Variants in CARD6 observed in about 807,000 individuals in gnomAD.
CARD6 encodes caspase recruitment domain-containing protein 6.
A neutral mutation model predicts 23.6 loss-of-function variants in CARD6; 27 were observed. The ratio of observed to expected loss-of-function variants is 1.14; its 90% CI spans 0.84 to 1.58. The LOEUF is 1.58. Among genes scored for constraint, CARD6 ranks in the 40% most tolerant of loss-of-function variants. CARD6 has a pLI of 0.00. For synonymous variants in CARD6, 397 were observed against 431.8 expected (o/e 0.92, Z 1.00); for missense variants, 1,214 against 1,209.9 (o/e 1.00, Z -0.05).
At chr5:40,843,788 G>A in intron 2 of CARD6, 79 bp downstream of exon 2, 1 of 914,330 alleles carries the variant, frequency 1.1e-6, no homozygotes, top group Non-Finnish European at 1.6e-6. Flanking sequence ...TGGGGATGGG[G>A]GATGAAAAAG....
intron 2 of CARD6, among the ~76,000 whole-genome samples, chr5:40,845,418 A>G (rs1271385487): frequency 6.6e-6 from 1 of 152,198 alleles, no homozygotes; most frequent in Non-Finnish European, 1.5e-5. Context: ...TCCAAATAAC[A>G]TCACATTCTG....
rs576851671 is a variant in CARD6, at chr5:40,852,406, G to A, written c.1074G>A (p.Leu358=). ...TGGATGAAGATAGCAAGGAGGATTT[G>A]CTGGCTGGAGTGGAGAATTTGGAAA... The part of the protein sequence containing the change: ...KVLDEDSKED[L]LAGVENLEIR... The change falls in exon 3 of 3, where the codon TTG becomes TTA. Residue 358 remains leucine, a synonymous_variant. Transcript: ENST00000254691. The A allele has an allele frequency of 6.2e-7, 1 of 1,614,128 alleles. No homozygotes were observed. Among genetic ancestry groups the A allele is most frequent in the South Asian group, 1.1e-5 (1 of 91,078 alleles).
In CARD6 at chr5:40,853,492, T is replaced by C. The variant is rs1746121698; in HGVS notation, c.2160T>C (p.Gly720=). Residue 720 remains glycine (G), a synonymous_variant, in exon 3 of 3, where the codon GGT becomes GGC. Transcript: ENST00000254691. Reference sequence around the variant, plus strand: ...GCCAGAATCTTCAGAATCTCTATGGTACCCCAGTATTCAGGCCTGTTCTAG... The same window carrying C: ...GCCAGAATCTTCAGAATCTCTATGGCACCCCAGTATTCAGGCCTGTTCTAG... ...ELSQNLQNLY[G]TPVFRPVLEN... is the part of the protein sequence containing the mutation. 1.9e-6 allele frequency: 3 copies of C among 1,614,064 alleles called. No homozygotes were observed. Among genetic ancestry groups the C allele is most frequent in the East Asian group, 2.2e-5 (1 of 44,890 alleles).
chr5:40,843,802 C>A, intron 2 of CARD6, 93 bp downstream of exon 2: 1 of 764,320 alleles, frequency 1.3e-6, no homozygotes, highest in East Asian at 3.0e-5. Context: ...GAAAAAGGGA[C>A]AGATGTCAGC....
chr5:40,844,986 G>A (rs1745942633), intron 2 of CARD6, among the ~76,000 whole-genome samples: 1 of 151,116 alleles, frequency 6.6e-6, no homozygotes, highest in African/African-American at 2.4e-5. Context: ...ACCTGCCTCA[G>A]CTCCCCAGGT....
In CARD6 at chr5:40,853,554, A is replaced by G; in HGVS notation, c.2222A>G (p.Asn741Ser). 1 of 1,614,186 alleles carries G rather than the reference A, an allele frequency of 6.2e-7. No individual in the cohort carries two copies. The highest frequency in any genetic ancestry group is 8.5e-7 in the Non-Finnish European group (1 of 1,180,022). ...SWLFPTRIGG[N>S]FNHVSLKASW... ...CTCTTTCCAACCAGAATTGGAGGTA[A>G]CTTTAACCATGTTTCCTTGAAAGCC... Residue 741 changes from asparagine to serine, a missense_variant, in exon 3 of 3, where the codon AAC becomes AGC. Asn to Ser is a conservative substitution (Grantham distance 46, BLOSUM62 1). Coordinates refer to ENST00000254691, the MANE Select transcript of CARD6 (RefSeq NM_032587.4).
rs202210811 is a variant in CARD6, at chr5:40,843,219, T to A, written c.351T>A (p.Ala117=). ...SMGASSNSED[A]FSPGIKQPEA... ...GGGCAAGCAGTAATTCAGAAGATGC[T>A]TTTTCTCCTGGAATAAAACAGCCTG... Residue 117 remains alanine (A), a synonymous_variant, in exon 2 of 3, where the codon GCT becomes GCA. Coordinates refer to ENST00000254691, the MANE Select transcript of CARD6 (RefSeq NM_032587.4). 1.2e-5 allele frequency: 19 copies of A among 1,613,650 alleles called. No homozygotes were observed. In the Middle Eastern group the frequency reaches 1.2e-3, roughly 98 times the overall value.
chr5:40,853,126 G>A lies in CARD6; in HGVS notation c.1794G>A (p.Arg598=), dbSNP rs1003536785. 4 of 1,614,036 alleles carry A rather than the reference G, an allele frequency of 2.5e-6. No homozygotes were observed. The highest frequency in any genetic ancestry group is 3.4e-6 in the Non-Finnish European group (4 of 1,180,024). ...GTGAAGAGGCTCAAATTTTTCAGAG[G>A]ATACTGAACTTGAAGCCAGCACAGC... ...RESEEAQIFQ[R]ILNLKPAQLL... The change falls in exon 3 of 3, where the codon AGG becomes AGA. Residue 598 remains arginine (R), a synonymous_variant. Transcript: ENST00000254691.
chr5:40,848,455 A>G (rs1184160717), intron 2 of CARD6, among the ~76,000 whole-genome samples: 1 of 152,052 alleles, frequency 6.6e-6, no homozygotes, highest in Non-Finnish European at 1.5e-5. Context: ...GGCTCAAGTG[A>G]TCCTCCTGCC....
Position 40,853,806 on chromosome 5 carries a change from A to G in CARD6, c.2474A>G (p.His825Arg). ...FGRLPRPICQ[H>R]VQACPERPQM... Reference sequence around the variant, plus strand: ...AGACTGCCAAGACCCATTTGTCAGCATGTACAGGCCTGCCCTGAGAGACCA... The same window carrying G: ...AGACTGCCAAGACCCATTTGTCAGCGTGTACAGGCCTGCCCTGAGAGACCA... The change falls in exon 3 of 3, where the codon CAT (histidine) becomes CGT (arginine). Residue 825 changes from histidine to arginine, a missense_variant. His to Arg is a conservative substitution (Grantham distance 29, BLOSUM62 0). Transcript: ENST00000254691. 6.2e-7 allele frequency: 1 copy of G among 1,614,216 alleles called. No homozygotes were observed. Among genetic ancestry groups the G allele is most frequent in the Non-Finnish European group, 8.5e-7 (1 of 1,180,030 alleles).
intron 2 of CARD6, among the ~76,000 whole-genome samples, chr5:40,850,735 A>C (rs964061733): frequency 2.7e-5 from 4 of 150,698 alleles, no homozygotes; most frequent in African/African-American, 9.7e-5. Flanking sequence ...AAAAAAAAAA[A>C]AAAAAAAAAA....
Position 40,852,207 on chromosome 5 carries a change from G to C in CARD6, c.875G>C (p.Cys292Ser). Reference sequence around the variant, plus strand: ...AAGGTGTTTAAAGATGTCCTGTTATGTTTGAACATGGATAGAAGCAGAAAG... The same window carrying C: ...AAGGTGTTTAAAGATGTCCTGTTATCTTTGAACATGGATAGAAGCAGAAAG... ...RKKVFKDVLL[C>S]LNMDRSRKVL... The change falls in exon 3 of 3, where the codon TGT becomes TCT. Residue 292 changes from cysteine to serine, a missense_variant. Physicochemically the swap from Cys to Ser is moderately radical, Grantham distance 112. Coordinates refer to ENST00000254691, the MANE Select transcript of CARD6 (RefSeq NM_032587.4). The C allele has an allele frequency of 6.2e-7, 1 of 1,613,442 alleles. No homozygotes were observed. The highest frequency in any genetic ancestry group is 8.5e-7 in the Non-Finnish European group (1 of 1,179,532).
chr5:40,853,590 T>C lies in CARD6; in HGVS notation c.2258T>C (p.Met753Thr). The C allele has an allele frequency of 6.2e-7, 1 of 1,614,246 alleles. No individual in the cohort carries two copies. Among genetic ancestry groups the C allele is most frequent in the Non-Finnish European group, 8.5e-7 (1 of 1,180,038 alleles). Residue 753 changes from methionine to threonine, a missense_variant, in exon 3 of 3, where the codon ATG (methionine) becomes ACG (threonine). Met to Thr is a moderately conservative substitution (Grantham distance 81). Coordinates refer to ENST00000254691, the MANE Select transcript of CARD6 (RefSeq NM_032587.4). Reference protein sequence around the residue: ...NHVSLKASWVMGRPFGSEQRP... With the variant: ...NHVSLKASWVTGRPFGSEQRP... ...GTTTCCTTGAAAGCCTCCTGGGTTATGGGCCGCCCCTTTGGGTCAGAGCAG... is the reference window on the plus strand; with the variant it reads ...GTTTCCTTGAAAGCCTCCTGGGTTACGGGCCGCCCCTTTGGGTCAGAGCAG...
In CARD6 at chr5:40,843,260, C is replaced by T; in HGVS notation, c.392C>T (p.Thr131Ile). Reference protein sequence around the residue: ...GIKQPEAPEITVFFSEKEHLD... With the variant: ...GIKQPEAPEIIVFFSEKEHLD... Reference sequence around the variant, plus strand: ...AAACAGCCTGAAGCCCCTGAGATCACAGTGTTCTTCAGTGAGAAGGAACAC... The same window carrying T: ...AAACAGCCTGAAGCCCCTGAGATCATAGTGTTCTTCAGTGAGAAGGAACAC... The change falls in exon 2 of 3, where the codon ACA (threonine) becomes ATA (isoleucine). Residue 131 changes from threonine to isoleucine, a missense_variant. Physicochemically the swap from Thr to Ile is moderately conservative, Grantham distance 89 (BLOSUM62 -1). Transcript: ENST00000254691. The T allele has an allele frequency of 6.2e-7, 1 of 1,613,976 alleles. No individual in the cohort carries two copies. The highest frequency in any genetic ancestry group is 8.5e-7 in the Non-Finnish European group (1 of 1,179,890).
Position 40,841,572 on chromosome 5 carries a change from G to C in CARD6, c.190G>C (p.Val64Leu). The C allele has an allele frequency of 6.2e-7, 1 of 1,613,968 alleles. No individual in the cohort carries two copies. Among genetic ancestry groups the C allele is most frequent in the Non-Finnish European group, 8.5e-7 (1 of 1,179,966 alleles). The change falls in exon 1 of 3, where the codon GTA becomes CTA. Residue 64 changes from valine to leucine, a missense_variant. By Grantham distance (32) the Val-to-Leu change is conservative (BLOSUM62 1). Transcript: ENST00000254691. The part of the protein sequence containing the change: ...LKKSRKLLIL[V>L]QKKGEATCQH... ...GAAAAGTCGGAAGCTGTTAATTTTGGTACAGAAAAAGGGAGAGGCGACCTG... is the reference window on the plus strand; with the variant it reads ...GAAAAGTCGGAAGCTGTTAATTTTGCTACAGAAAAAGGGAGAGGCGACCTG...
At position 40,854,384 on chromosome 5, in the gene CARD6, A is replaced by G. The variant is rs747537514; in HGVS notation, c.3052A>G (p.Asn1018Asp). 3.1e-6 allele frequency: 5 copies of G among 1,614,076 alleles called. No homozygotes were observed. The highest frequency in any genetic ancestry group is 4.2e-6 in the Non-Finnish European group (5 of 1,180,006). The change falls in exon 3 of 3, where the codon AAT becomes GAT. Residue 1018 changes from asparagine (N) to aspartate (D), a missense_variant. Asn to Asp is a conservative substitution (Grantham distance 23). Coordinates refer to ENST00000254691, the MANE Select transcript of CARD6 (RefSeq NM_032587.4). ...CCCTCAACCTAAGTCATCCTCAACC[A>G]ATCCTTCACAAGCTAAGGCACACCA... Reference protein sequence around the residue: ...RPPQPKSSSTNPSQAKAHHSK... With the variant: ...RPPQPKSSSTDPSQAKAHHSK...
intron 1 of CARD6, among the ~76,000 whole-genome samples, chr5:40,842,310 A>T (rs1354022275): frequency 6.6e-6 from 1 of 152,232 alleles, no homozygotes; most frequent in Non-Finnish European, 1.5e-5. Context: ...ATCTAAAAAA[A>T]AATTCAAAAT....
At chr5:40,842,803 C>G (rs535817479) in intron 1 of CARD6, among the ~76,000 whole-genome samples, 1 of 152,028 alleles carries the variant, frequency 6.6e-6, no homozygotes, top group African/African-American at 2.4e-5. Context: ...TTTGGGAGGC[C>G]GGGGCAGATG....
rs377377604 is a variant in CARD6, at chr5:40,852,772, G to A, written c.1440G>A (p.Leu480=). The A allele has an allele frequency of 5.0e-5, 80 of 1,613,996 alleles. No individual in the cohort carries two copies. The highest frequency in any genetic ancestry group is 6.5e-5 in the Non-Finnish European group (77 of 1,180,034). The change falls in exon 3 of 3, where the codon TTG becomes TTA. Residue 480 remains leucine, a synonymous_variant. Coordinates refer to ENST00000254691, the MANE Select transcript of CARD6 (RefSeq NM_032587.4). ...ILNTLLSPAQ[L]KLHKIFLHQD... ...ACACACTTCTCAGCCCTGCCCAGTT[G>A]AAATTACACAAAATCTTTCTTCATC...
Sources: gnomAD v4.1 joint callset for allele counts (sites outside exome capture counted in the v4.1 genomes callset) on GRCh38, gnomAD v4.1.1 for gene constraint, MANE v1.5 for transcripts, NCBI Gene and HGNC (gene_info 2026-07-23, HGNC 2026-07-21) for gene names.